The following ADK variants were observed in gnomAD, a reference collection of about 807,000 sequenced individuals.
The protein encoded by ADK is N6,N6-dimethyladenosine kinase.
In ADK, 24 loss-of-function variants were observed where a neutral mutation model predicts 44.7. The ratio of observed to expected loss-of-function variants is 0.54; its 90% CI spans 0.39 to 0.76. The LOEUF is 0.76. Among genes scored for constraint, ADK ranks in the 30% least tolerant of loss-of-function variants. The pLI, the probability that ADK is intolerant of heterozygous loss-of-function variation, is 0.00. For missense variants in ADK, 321 were observed against 425.1 expected (o/e 0.76, Z 2.15); for synonymous variants, 128 against 142.6 (o/e 0.90, Z 0.73).
rs1236005604 is a variant in ADK, at chr10:74,151,263, G to C, written c.-16G>C. The C allele has an allele frequency of 1.9e-6, 3 of 1,549,672 alleles. No individual in the cohort carries two copies. The Admixed American group carries it at 5.9e-5, about 30-fold the overall frequency. On this transcript the variant is annotated 5_prime_UTR_variant, in exon 1 of 11. Coordinates refer to ENST00000539909, the MANE Select transcript of ADK (RefSeq NM_006721.4). ...AGAGGTGGGCTGTAGAGCCAAAGTGGGGTGGGAGCGCGAAGATGGCAGCTG... is the reference window on the plus strand; with the variant it reads ...AGAGGTGGGCTGTAGAGCCAAAGTGCGGTGGGAGCGCGAAGATGGCAGCTG...
intron 6 of ADK, among the ~76,000 whole-genome samples, chr10:74,429,816 T>C (rs1844920682): frequency 6.6e-6 from 1 of 152,200 alleles, no homozygotes; most frequent in Admixed American, 6.5e-5. Flanking sequence ...CAACAAATAT[T>C]TATCCAGTGC....
chr10:74,654,453 C>T (rs529633608), intron 9 of ADK, among the ~76,000 whole-genome samples: 2 of 152,368 alleles, frequency 1.3e-5, no homozygotes, highest in South Asian at 2.1e-4. Context: ...ATGGCATCCT[C>T]ATGAGGTGAA....
chr10:74,538,253 C>T (rs999631576), intron 7 of ADK, among the ~76,000 whole-genome samples: 2 of 135,720 alleles, frequency 1.5e-5, no homozygotes, highest in African/African-American at 6.0e-5. Context: ...GACTCCGTCT[C>T]ACAAAAAAAA....
intron 5 of ADK, among the ~76,000 whole-genome samples, chr10:74,395,615 G>C (rs1448841928): frequency 6.6e-6 from 1 of 152,104 alleles, no homozygotes; most frequent in Non-Finnish European, 1.5e-5. Flanking sequence ...GCCTTAATCT[G>C]TAGGTGCAAA....
chr10:74,374,582 G>C (rs376634913), intron 4 of ADK, among the ~76,000 whole-genome samples: 15 of 152,132 alleles, frequency 9.9e-5, no homozygotes, highest in Admixed American at 5.2e-4. Flanking sequence ...TTAGTTTTCT[G>C]TACACTGTTG....
At chr10:74,187,647 G>A (rs1842805663) in intron 1 of ADK, among the ~76,000 whole-genome samples, 1 of 151,968 alleles carries the variant, frequency 6.6e-6, no homozygotes, top group Non-Finnish European at 1.5e-5. Flanking sequence ...TTATTTTATG[G>A]TATTACCTTT....
At chr10:74,301,465 G>T (rs1840029315) in intron 3 of ADK, among the ~76,000 whole-genome samples, 1 of 140,288 alleles carries the variant, frequency 7.1e-6, no homozygotes, top group African/African-American at 2.7e-5. Context: ...GGTGAGCCCA[G>T]ATTGCACCAC....
chr10:74,635,122 C>G (rs1050447138), intron 9 of ADK, among the ~76,000 whole-genome samples: 9 of 152,158 alleles, frequency 5.9e-5, no homozygotes, highest in Non-Finnish European at 1.2e-4. Flanking sequence ...AAGACATGAA[C>G]TTACAGATTT....
chr10:74,592,983 A>G (rs1347435017), intron 8 of ADK, among the ~76,000 whole-genome samples: 1 of 152,236 alleles, frequency 6.6e-6, no homozygotes, highest in African/African-American at 2.4e-5. Context: ...GATAGAACAT[A>G]TGCATCATCA....
At chr10:74,706,692 C>A (rs915711469) in intron 10 of ADK, among the ~76,000 whole-genome samples, 6 of 152,024 alleles carry the variant, frequency 3.9e-5, no homozygotes, top group Admixed American at 3.3e-4. Context: ...TGGCTTTGTT[C>A]TTCTTTTTCA....
chr10:74,330,035 G>A (rs916863076), intron 4 of ADK, among the ~76,000 whole-genome samples: 1 of 151,940 alleles, frequency 6.6e-6, no homozygotes, highest in African/African-American at 2.4e-5. Flanking sequence ...AGGCACGGTG[G>A]TACATGCCTG....
chr10:74,295,749 A>G (rs1221483990), intron 3 of ADK, among the ~76,000 whole-genome samples: 2 of 102,956 alleles, frequency 1.9e-5, no homozygotes, highest in African/African-American at 3.0e-5. Flanking sequence ...CTTTGTAGGA[A>G]TGTTCCATTA....
intron 6 of ADK, among the ~76,000 whole-genome samples, chr10:74,511,662 C>A (rs898827910): frequency 3.2e-4 from 48 of 152,274 alleles, no homozygotes; most frequent in African/African-American, 9.9e-4. Flanking sequence ...TATCCTGCAA[C>A]TTTATGGAAT....
chr10:74,509,599 C>T (rs1848223181), intron 6 of ADK: 1 of 152,152 alleles, frequency 6.6e-6, no homozygotes, highest in Non-Finnish European at 1.5e-5. Flanking sequence ...ATTTAATATC[C>T]TCCATCTACC....
intron 7 of ADK, among the ~76,000 whole-genome samples, chr10:74,556,140 T>C (rs1244697005): frequency 6.6e-6 from 1 of 152,228 alleles, no homozygotes; most frequent in African/African-American, 2.4e-5. Flanking sequence ...TAAAATTTGT[T>C]ATTGCAGCTC....
At chr10:74,176,935 C>T (rs1186030555) in intron 1 of ADK, 4 of 1,605,260 alleles carry the variant, frequency 2.5e-6, no homozygotes, top group Non-Finnish European at 1.7e-6. Flanking sequence ...GCGTTAGCCT[C>T]CCGAGCGCGT....
intron 2 of ADK, among the ~76,000 whole-genome samples, chr10:74,217,409 T>G (rs1844092628): frequency 6.6e-6 from 1 of 152,222 alleles, no homozygotes; most frequent in Non-Finnish European, 1.5e-5. Context: ...AAGGAGGCCT[T>G]CCTGCCTCTG....
intron 3 of ADK, among the ~76,000 whole-genome samples, chr10:74,293,165 C>CAAAAAAAAA (rs59635944): frequency 1.3e-5 from 1 of 79,160 alleles, no homozygotes; most frequent in Non-Finnish European, 2.2e-5. Context: ...AACCCTGTCT[C>CAAAAAAAAA]AAAAAAAAAA....
chr10:74,494,664 T>G (rs904951237), intron 6 of ADK, among the ~76,000 whole-genome samples: 3 of 152,110 alleles, frequency 2.0e-5, no homozygotes, highest in African/African-American at 7.2e-5. Context: ...TTTCTTTCTC[T>G]CTCTTTTTTT....
Sources: allele counts gnomAD v4.1 joint callset (sites outside exome capture counted in the v4.1 genomes callset), GRCh38; gene constraint gnomAD v4.1.1; transcripts MANE v1.5; gene names NCBI Gene and HGNC (gene_info 2026-07-23, HGNC 2026-07-21).